Variants in CHD4 observed in about 807,000 individuals in gnomAD.
The protein encoded by CHD4 is chromodomain helicase DNA binding protein 4, also known as ATP-dependent chromatin remodeler CHD4.
CHD4 carries 35 observed loss-of-function variants against 235.5 expected under a neutral mutation model. That is an observed-to-expected ratio of 0.15 (90% CI 0.11 to 0.20). CHD4 has a LOEUF of 0.20. CHD4 is among the 10% of genes least tolerant of loss of function. CHD4 has a pLI of 1.00. For synonymous variants in CHD4, 900 were observed against 850.2 expected, an observed-to-expected ratio of 1.06 and a Z score of -1.02; for missense variants, 1,329 against 2,432.3, an observed-to-expected ratio of 0.55 and a Z score of 9.54.
At chr12:6,579,971 G>GT (rs772022193) in intron 33 of CHD4, among the ~76,000 whole-genome samples, 165 of 149,032 alleles carry the variant, frequency 1.1e-3, no homozygotes, top group Non-Finnish European at 2.1e-3. Flanking sequence ...CAGGAGAATG[G>GT]TGTGAACCCG....
At chr12:6,579,080 A>T in intron 33 of CHD4, 163 bp from the exon 34 acceptor site, 1 of 450,130 alleles carries the variant, frequency 2.2e-6, no homozygotes, top group Non-Finnish European at 3.9e-6. Flanking sequence ...CTTGGGAGAC[A>T]GCAGCAGGCA....
rs372576095 is a variant in CHD4, at chr12:6,592,573, A to G, written c.2775-7T>C. On this transcript the variant is annotated splice_polypyrimidine_tract_variant and splice_region_variant and intron_variant, in intron 18 of 39. Coordinates refer to ENST00000544040, the MANE Select transcript of CHD4 (RefSeq NM_001273.5). ...CAAAAAACCTTCCAAATTGCTTCAG[A>G]AAGAAAAAGGAAAAAAGTTATTGGA... The G allele has an allele frequency of 2.1e-5, 33 of 1,582,448 alleles. No homozygotes were observed. Among genetic ancestry groups the G allele is most frequent in the African/African-American group, 2.7e-5 (2 of 73,564 alleles).
intron 23 of CHD4, 133 bp downstream of exon 23, chr12:6,588,165 G>A: frequency 7.7e-7 from 1 of 1,301,850 alleles, no homozygotes; most frequent in Non-Finnish European, 1.1e-6. Flanking sequence ...TTACAATAAG[G>A]TAAACAACAC....
chr12:6,600,261 C>T lies in CHD4; in HGVS notation c.1198G>A (p.Asp400Asn), dbSNP rs765907058. The change falls in exon 9 of 40, where the codon GAC becomes AAC. Residue 400 changes from aspartate (D) to asparagine (N), a missense_variant. Around this residue, in one of 26 missense-constraint regions of CHD4, gnomAD observed 13 missense variants for 56.5 expected, o/e 0.23. Coordinates refer to ENST00000544040, the MANE Select transcript of CHD4 (RefSeq NM_001273.5). The stretch of plus-strand genomic sequence containing the variant: ...TTGCCCTCGGGAGCCTTCTCCATGT[C>T]GGGATCCAGGCAGACCATGTGGTAA... ...RAYHMVCLDP[D>N]MEKAPEGKWS... is the part of the protein sequence containing the mutation. 1 of 1,614,152 alleles carries T rather than the reference C, an allele frequency of 6.2e-7. No individual in the cohort carries two copies. The highest frequency in any genetic ancestry group is 8.5e-7 in the Non-Finnish European group (1 of 1,180,026).
intron 37 of CHD4, 141 bp downstream of exon 37, chr12:6,577,644 G>GT (rs1259656413): frequency 9.0e-7 from 1 of 1,115,290 alleles, no homozygotes; most frequent in Non-Finnish European, 1.3e-6. Context: ...ACCCTAATGT[G>GT]TAAGTTACTT....
chr12:6,601,834 TG>T (rs1182097530), intron 4 of CHD4, 68 bp from the exon 5 acceptor site: 2 of 1,569,990 alleles, frequency 1.3e-6, no homozygotes, highest in East Asian at 2.2e-5. Context: ...CAAATTTGTG[TG>T]GAAAAATCAG....
At position 6,592,437 on chromosome 12, in the gene CHD4, G is replaced by A; in HGVS notation, c.2904C>T (p.Ser968=). 6.2e-7 allele frequency: 1 copy of A among 1,607,910 alleles called. No homozygotes were observed. Among genetic ancestry groups the A allele is most frequent in the Non-Finnish European group, 8.5e-7 (1 of 1,175,030 alleles). Residue 968 remains serine (S), a synonymous_variant, in exon 19 of 40, where the codon TCC becomes TCT. Coordinates refer to ENST00000544040, the MANE Select transcript of CHD4 (RefSeq NM_001273.5). ...LKADVFKNMP[S]KTELIVRVEL... ...CCACACGCACAATTAGTTCTGTCTT[G>A]GAGGGCATGTTCTTGAACACATCGG...
chr12:6,584,093 A>G (rs577910095), intron 25 of CHD4: 1 of 152,298 alleles, frequency 6.6e-6, no homozygotes, highest in East Asian at 1.9e-4. Context: ...ATAGATGGAA[A>G]ATATTCAGAG....
chr12:6,602,584 C>T (rs1948616630), intron 2 of CHD4, 87 bp from the exon 3 acceptor site: 6 of 1,504,074 alleles, frequency 4.0e-6, no homozygotes, highest in Non-Finnish European at 4.5e-6. Flanking sequence ...AGACTTTATT[C>T]CCCACCTCTT....
Position 6,582,870 on chromosome 12 carries a change from G to A in CHD4, c.4214C>T (p.Ala1405Val). 4 of 1,613,864 alleles carry A rather than the reference G, an allele frequency of 2.5e-6. No homozygotes were observed. The highest frequency in any genetic ancestry group is 3.4e-6 in the Non-Finnish European group (4 of 1,180,032). ...DKDKPLPPLL[A>V]RVGGNIEVLG... ...TACTTCAATATTCCCACCAACACGG[G>A]CCAACAGAGGAGGCAATGGCTTATC... The change falls in exon 28 of 40, where the codon GCC becomes GTC. Residue 1405 changes from alanine (A) to valine (V), a missense_variant. Transcript: ENST00000544040.
In CHD4 at chr12:6,582,242, C is replaced by G; in HGVS notation, c.4410G>C (p.Pro1470=). Residue 1470 remains proline (P), a synonymous_variant, in exon 30 of 40, where the codon CCG becomes CCC. Coordinates refer to ENST00000544040, the MANE Select transcript of CHD4 (RefSeq NM_001273.5). The part of the protein sequence containing the change: ...VSLFMRHLCE[P]GADGAETFAD... ...CAAAGGTCTCAGCCCCATCTGCCCC[C>G]GGCTCACATAAATGCCGCATGAAAA... 1 of 1,598,562 alleles carries G rather than the reference C, an allele frequency of 6.3e-7. No individual in the cohort carries two copies. Among genetic ancestry groups the G allele is most frequent in the Non-Finnish European group, 8.5e-7 (1 of 1,173,756 alleles).
At chr12:6,587,258 G>C in intron 25 of CHD4, 126 bp downstream of exon 25, 1 of 897,432 alleles carries the variant, frequency 1.1e-6, no homozygotes, top group Non-Finnish European at 1.7e-6. Flanking sequence ...CAAAGGAAGA[G>C]GATCAATTCA....
rs941636029 is a variant in CHD4, at chr12:6,582,508, G to A, written c.4370+107C>T. On this transcript the variant is annotated intron_variant, in intron 29 of 39. Transcript: ENST00000544040. ...ACAGCTTCACCTGCCAACTTCAACA[G>A]AGAAAATAGCCCACTTCCCTGCACG... is the stretch of plus-strand genomic sequence containing the variant. 3 of 1,482,240 alleles carry A rather than the reference G, an allele frequency of 2.0e-6. No homozygotes were observed. The African/African-American group carries it at 4.2e-5, about 21-fold the overall frequency. 91.8% of individuals were successfully genotyped at this position (1,482,240 alleles called of 1,614,324 possible).
intron 2 of CHD4, among the ~76,000 whole-genome samples, chr12:6,604,170 G>A (rs567244191): frequency 1.1e-4 from 17 of 152,292 alleles, no homozygotes; most frequent in Non-Finnish European, 1.9e-4. Context: ...AGCTACTCAG[G>A]AGGCTGAGGC....
Position 6,570,199 on chromosome 12 carries a change from G to A in CHD4, c.*477C>T, listed in dbSNP as rs1451520213. ...CTTTATTTCATTTAGCCGCTCAGTG[G>A]CTAGAGCCGCTGGGTTCCTGGTATT... is the stretch of plus-strand genomic sequence containing the variant. On this transcript the variant is annotated 3_prime_UTR_variant, in exon 40 of 40. Transcript: ENST00000544040. 6.3e-6 allele frequency: 1 copy of A among 158,324 alleles called. No homozygotes were observed. The highest frequency in any genetic ancestry group is 1.4e-5 in the Non-Finnish European group (1 of 72,932). The allele number at this position is 158,324 out of a possible 1,614,324, so 9.8% of individuals were successfully genotyped here.
In CHD4 at chr12:6,573,144, C is replaced by T. The variant is rs745886583; in HGVS notation, c.5487G>A (p.Ala1829=). The T allele has an allele frequency of 5.0e-6, 8 of 1,611,824 alleles. No individual in the cohort carries two copies. In the East Asian group the frequency reaches 9.0e-5, roughly 18 times the overall value. ...NTRFAEVECL[A]ESHQHLSKES... ...CCTTGGACAGGTGCTGATGACTTTC[C>T]GCCAAACACTCCACCTCAGCAAAGC... The change falls in exon 38 of 40, where the codon GCG becomes GCA. Residue 1829 remains alanine (A), a synonymous_variant. Transcript: ENST00000544040.
At chr12:6,592,280 C>A (rs1305138930) in intron 19 of CHD4, 113 bp downstream of exon 19, 15 of 1,394,830 alleles carry the variant, frequency 1.1e-5, no homozygotes, top group African/African-American at 2.9e-5. Context: ...TTTCTTCAGG[C>A]CTTGCTTGCT....
At chr12:6,595,266 A>G in intron 14 of CHD4, 68 bp downstream of exon 14, 1 of 1,308,348 alleles carries the variant, frequency 7.6e-7, no homozygotes, top group Non-Finnish European at 1.1e-6. Context: ...TAAGAGTACC[A>G]TCATTAGACT....
intron 37 of CHD4, among the ~76,000 whole-genome samples, chr12:6,574,853 A>G (rs1414549897): frequency 2.0e-5 from 3 of 152,210 alleles, no homozygotes; most frequent in African/African-American, 7.2e-5. Context: ...GTAAGTCAGG[A>G]GTTGGCAAGC....
Sources: gnomAD v4.1 joint callset for allele counts (sites outside exome capture counted in the v4.1 genomes callset) on GRCh38, gnomAD v4.1.1 for gene constraint, gnomAD v4.1.1 regional missense constraint, MANE v1.5 for transcripts, NCBI Gene and HGNC (gene_info 2026-07-23, HGNC 2026-07-21) for gene names.